The following AFF3 variants were observed in gnomAD, a reference collection of about 807,000 sequenced individuals.
AFF3 encodes the protein ALF transcription elongation factor 3.
Under a neutral mutation model 129.7 loss-of-function variants are expected in AFF3, and 32 were observed. That is an observed-to-expected ratio of 0.25 (90% CI 0.19 to 0.33). The LOEUF is 0.33. Ranked by LOEUF, AFF3 falls within the 10% of genes least tolerant of loss-of-function variation. The pLI, the probability that AFF3 is intolerant of heterozygous loss-of-function variation, is 1.00. For missense variants in AFF3, 1,373 were observed against 1,592.0 expected (o/e 0.86, Z 2.34); for synonymous variants, 644 against 635.4 (o/e 1.01, Z -0.20).
At chr2:100,135,481 AAGCCCAAGGCACAGGGAG>A in intron 1 of AFF3, among the ~76,000 whole-genome samples, 1 of 152,316 alleles carries the variant, frequency 6.6e-6, no homozygotes, top group South Asian at 2.1e-4. Context: ...ATTCTGTGAG[AAGCCCAAGGCACAGGGAG>A]AGCCTGGGAG....
At chr2:100,014,966 T>TC (rs1682885051) in intron 4 of AFF3, among the ~76,000 whole-genome samples, 1 of 147,816 alleles carries the variant, frequency 6.8e-6, no homozygotes, top group Non-Finnish European at 1.5e-5. Context: ...TTTTTTTTTT[T>TC]TTTTTTTTTT....
intron 18 of AFF3, among the ~76,000 whole-genome samples, chr2:99,573,943 G>C (rs1676747597): frequency 6.6e-6 from 1 of 152,184 alleles, no homozygotes; most frequent in Non-Finnish European, 1.5e-5. Context: ...GGGCAGGATG[G>C]AGGAGGTGGT....
rs1187125073 is a variant in AFF3 at position 99,593,396 on chromosome 2, G to C, written c.2265C>G (p.Ser755=). ...TGATCTCATCACTGTCCTTTAGAGG[G>C]GAGAGAAGTTCGTTCCGGCCAAAGG... ...LVPFGRNELL[S]PLKDSDEIRS... is the part of the protein sequence containing the mutation. Residue 755 remains serine (S), a synonymous_variant, in exon 15 of 25, where the codon TCC becomes TCG. Transcript: ENST00000672756. 6.2e-7 allele frequency: 1 copy of C among 1,613,994 alleles called. No homozygotes were observed. Among genetic ancestry groups the C allele is most frequent in the African/African-American group, 1.3e-5 (1 of 74,990 alleles).
At chr2:99,765,938 TC>T (rs1243195139) in intron 8 of AFF3, among the ~76,000 whole-genome samples, 1 of 152,206 alleles carries the variant, frequency 6.6e-6, no homozygotes, top group Non-Finnish European at 1.5e-5. Flanking sequence ...GAATTTTTCT[TC>T]AAAGGGATAG....
rs185861496 is a variant in AFF3, at chr2:99,662,035, G to A, written c.1143+10503C>T. Among the ~76,000 whole-genome samples the A allele has an allele frequency of 4.0e-3, 616 of 152,194 alleles. 5 individuals carry two copies. Among genetic ancestry groups the A allele is most frequent in the African/African-American group, 0.014 (593 of 41,508 alleles). On this transcript the variant is annotated intron_variant, in intron 12 of 24. Coordinates refer to ENST00000672756, the MANE Select transcript of AFF3 (RefSeq NM_001386135.1). ...CACACTTGTAGTCCCAACTACTCAG[G>A]AGGCTGAGGCAGGAGAATCGCTTGA...
rs1691323534 is a variant in AFF3 at position 100,106,792 on chromosome 2, G to A, written c.-144-1209C>T. ...ACAAACATAACCGTGTTTACTGCGA[G>A]TCCCATGCTGGGCCTGGAGCTCAGA... is the stretch of plus-strand genomic sequence containing the variant. On this transcript the variant is annotated intron_variant, in intron 2 of 24. Coordinates refer to ENST00000672756, the MANE Select transcript of AFF3 (RefSeq NM_001386135.1). 3 of 985,500 alleles carry A rather than the reference G, an allele frequency of 3.0e-6. No homozygotes were observed. In the South Asian group the frequency reaches 1.4e-4, roughly 46 times the overall value. 61.0% of individuals were successfully genotyped at this position (985,500 alleles called of 1,614,324 possible).
intron 7 of AFF3, among the ~76,000 whole-genome samples, chr2:99,873,263 G>A (rs995694350): frequency 1.3e-5 from 2 of 152,290 alleles, no homozygotes; most frequent in South Asian, 2.1e-4. Context: ...CTGGGTGTTC[G>A]TGGCAGAAAA....
At chr2:99,755,068 T>C (rs1374818973) in intron 8 of AFF3, among the ~76,000 whole-genome samples, 1 of 152,006 alleles carries the variant, frequency 6.6e-6, no homozygotes, top group Non-Finnish European at 1.5e-5. Context: ...AAAAGCAATA[T>C]CCACAGAAGG....
chr2:100,005,529 C>CA (rs1034724487), intron 7 of AFF3, among the ~76,000 whole-genome samples: 2 of 152,150 alleles, frequency 1.3e-5, no homozygotes, highest in Non-Finnish European at 1.5e-5. Flanking sequence ...GTGTCTCCTA[C>CA]AAACTTTTAA....
chr2:99,982,702 T>C (rs1679517581), intron 7 of AFF3, among the ~76,000 whole-genome samples: 1 of 152,186 alleles, frequency 6.6e-6, no homozygotes, highest in Non-Finnish European at 1.5e-5. Context: ...GGACCCAGGA[T>C]ACTGAATCGA....
intron 8 of AFF3, among the ~76,000 whole-genome samples, chr2:99,779,532 C>T (rs754853066): frequency 9.9e-5 from 15 of 152,058 alleles, no homozygotes; most frequent in African/African-American, 2.2e-4. Flanking sequence ...TAGTCAGTTA[C>T]GTATTTTTGT....
rs1421482239 is a variant in AFF3 at position 99,580,223 on chromosome 2, T to G, written c.2794-1772A>C. Among the ~76,000 whole-genome samples the G allele has an allele frequency of 1.4e-4, 22 of 152,288 alleles. No individual in the cohort carries two copies. In the East Asian group the frequency reaches 4.2e-3, roughly 29 times the overall value. On this transcript the variant is annotated intron_variant, in intron 17 of 24. Transcript: ENST00000672756. Reference sequence around the variant, plus strand: ...TCTCTTAGTATATGGTGACTTGCCTTTTAGAGATCTCGCATCAGGGGTCAG... The same window carrying G: ...TCTCTTAGTATATGGTGACTTGCCTGTTAGAGATCTCGCATCAGGGGTCAG...
chr2:99,990,443 T>C (rs992677278), intron 7 of AFF3, among the ~76,000 whole-genome samples: 1 of 152,148 alleles, frequency 6.6e-6, no homozygotes, highest in African/African-American at 2.4e-5. Flanking sequence ...TGTGTACACA[T>C]AGCATAAAAT....
At chr2:100,012,188 C>T (rs1559055872) in intron 4 of AFF3, among the ~76,000 whole-genome samples, 2 of 152,156 alleles carry the variant, frequency 1.3e-5, no homozygotes, top group Admixed American at 6.5e-5. Context: ...CATGCTTCCA[C>T]ACCATAAGAT....
intron 7 of AFF3, among the ~76,000 whole-genome samples, chr2:99,914,439 T>C (rs764794967): frequency 2.6e-5 from 4 of 152,152 alleles, no homozygotes; most frequent in Non-Finnish European, 5.9e-5. Flanking sequence ...TGCATGAGCT[T>C]GAAGTGGATC....
At chr2:99,587,448 C>T (rs981357040) in intron 15 of AFF3, among the ~76,000 whole-genome samples, 170 bp from the exon 16 acceptor site, 1 of 152,180 alleles carries the variant, frequency 6.6e-6, no homozygotes, top group African/African-American at 2.4e-5. Context: ...ATTAGCTCCT[C>T]AACAAGCAAG....
At chr2:100,116,737 A>T (rs1691750190) in intron 2 of AFF3, among the ~76,000 whole-genome samples, 1 of 152,080 alleles carries the variant, frequency 6.6e-6, no homozygotes, top group African/African-American at 2.4e-5. Flanking sequence ...GTTAATTTTC[A>T]TTAGCATTTT....
chr2:99,823,905 C>T (rs1211954074), intron 8 of AFF3, among the ~76,000 whole-genome samples: 2 of 152,088 alleles, frequency 1.3e-5, no homozygotes, highest in Non-Finnish European at 2.9e-5. Context: ...ACACTGACTA[C>T]ACAGAGACAT....
chr2:99,757,906 C>T (rs1160968821), intron 8 of AFF3, among the ~76,000 whole-genome samples: 1 of 152,192 alleles, frequency 6.6e-6, no homozygotes, highest in Non-Finnish European at 1.5e-5. Context: ...ACGTACAGGT[C>T]TCTTTTAGAA....
Sources: gnomAD v4.1 joint callset for allele counts (sites outside exome capture counted in the v4.1 genomes callset) on GRCh38, gnomAD v4.1.1 for gene constraint, MANE v1.5 for transcripts, NCBI Gene and HGNC (gene_info 2026-07-23, HGNC 2026-07-21) for gene names.